Variants in CFAP47 observed in about 807,000 individuals in gnomAD.
The protein encoded by CFAP47 is cilia- and flagella-associated protein 47.
A neutral mutation model predicts 148.1 loss-of-function variants in CFAP47; 29 were observed. The observed-to-expected ratio is 0.20, with a 90% confidence interval of 0.15 to 0.27. The LOEUF is 0.27. CFAP47 is among the 10% of genes least tolerant of loss of function. CFAP47 has a pLI of 1.00. For missense variants in CFAP47, 1,872 were observed against 1,697.5 expected (o/e 1.10, Z -1.81); for synonymous variants, 664 against 577.3 (o/e 1.15, Z -2.15).
rs1478927127 is a variant in CFAP47 at position 36,100,111 on chromosome X, G to A, written c.5127+232G>A. 2.7e-5 allele frequency among the ~76,000 whole-genome samples: 3 copies of A among 111,516 alleles called. No homozygotes were observed. The East Asian group carries it at 8.5e-4, about 32-fold the overall frequency. ...CATGTATGGGTCTGATTTCTCTGAA[G>A]AAGGAAGAGCAGGTAAAGGAGTACT... On this transcript the variant is annotated intron_variant, in intron 32 of 63. Transcript: ENST00000378653.
At chrX:36,050,478 C>A (rs1388640044) in intron 26 of CFAP47, among the ~76,000 whole-genome samples, 2 of 111,187 alleles carry the variant, frequency 1.8e-5, no homozygotes, top group African/African-American at 6.5e-5. Context: ...GTCCCTCTTG[C>A]CATGCAAAGG....
intron 62 of CFAP47, among the ~76,000 whole-genome samples, chrX:36,376,198 T>G (rs782377583): frequency 8.9e-6 from 1 of 112,449 alleles, no homozygotes; most frequent in African/African-American, 3.2e-5. Flanking sequence ...GCAAACCTTT[T>G]ATGTGGATGT....
intron 60 of CFAP47, among the ~76,000 whole-genome samples, chrX:36,357,415 A>G (rs1245728696): frequency 9.0e-6 from 1 of 111,515 alleles, no homozygotes; most frequent in East Asian, 2.8e-4. Flanking sequence ...CTTCATCCTT[A>G]CTCATCACAC....
At chrX:36,298,126 A>G (rs1941261322) in intron 51 of CFAP47, among the ~76,000 whole-genome samples, 1 of 102,433 alleles carries the variant, frequency 9.8e-6, no homozygotes, top group Non-Finnish European at 2.0e-5. Context: ...TTATTGCGGC[A>G]CTATTCACAA....
At chrX:36,319,370 A>G in intron 57 of CFAP47, 63 bp downstream of exon 57, 1 of 495,834 alleles carries the variant, frequency 2.0e-6, no homozygotes, top group Non-Finnish European at 3.1e-6. Flanking sequence ...AGATAATGAA[A>G]TATATGTCTG....
chrX:36,299,230 A>G (rs1249049758), intron 52 of CFAP47, 78 bp downstream of exon 52: 12 of 590,931 alleles, frequency 2.0e-5, no homozygotes, highest in Non-Finnish European at 2.8e-5. Flanking sequence ...TTCTTATACT[A>G]TAATCATTAA....
At chrX:36,168,055 A>G (rs915733160) in intron 39 of CFAP47, among the ~76,000 whole-genome samples, 1 of 110,936 alleles carries the variant, frequency 9.0e-6, no homozygotes, top group African/African-American at 3.3e-5. Context: ...TTTTCATGGT[A>G]TTCCTTTTTA....
intron 26 of CFAP47, among the ~76,000 whole-genome samples, chrX:36,054,145 C>T (rs1289701095): frequency 8.9e-6 from 1 of 112,108 alleles, no homozygotes; most frequent in African/African-American, 3.2e-5. Flanking sequence ...GGTGGATGCC[C>T]ATGCAGTCAA....
intron 38 of CFAP47, 118 bp downstream of exon 38, chrX:36,159,694 C>T: frequency 1.1e-5 from 3 of 285,294 alleles, no homozygotes; most frequent in East Asian, 9.9e-5. Context: ...ATCCCTGTGC[C>T]ATGGATACTT....
intron 15 of CFAP47, among the ~76,000 whole-genome samples, chrX:35,986,631 A>G (rs1319835984): frequency 1.8e-5 from 2 of 110,377 alleles, no homozygotes; most frequent in East Asian, 5.8e-4. Context: ...CTCATTCTCC[A>G]TCCAGTTTTG....
intron 39 of CFAP47, among the ~76,000 whole-genome samples, chrX:36,170,924 G>A (rs57713592): frequency 9.3e-6 from 1 of 108,011 alleles, no homozygotes; most frequent in African/African-American, 3.4e-5. Context: ...CAGTGTAAAA[G>A]TGTTCCTATT....
intron 57 of CFAP47, among the ~76,000 whole-genome samples, chrX:36,330,088 C>T (rs939707045): frequency 1.8e-5 from 2 of 111,572 alleles, no homozygotes; most frequent in African/African-American, 6.5e-5. Context: ...ACTTATATCC[C>T]AAACTTCTGT....
chrX:36,192,800 T>C (rs782490600), intron 42 of CFAP47, among the ~76,000 whole-genome samples: 28 of 111,936 alleles, frequency 2.5e-4, no homozygotes, highest in Middle Eastern at 4.6e-3. Flanking sequence ...CATTGCTGAA[T>C]TGAAGAAGCC....
chrX:36,336,214 G>GTCTCTCTC (rs1157557147), intron 57 of CFAP47, among the ~76,000 whole-genome samples: 1 of 73,236 alleles, frequency 1.4e-5, no homozygotes, highest in African/African-American at 5.0e-5. Flanking sequence ...CTGTCTCTCT[G>GTCTCTCTC]TCTCTCTCTC....
chrX:36,135,004 A>G (rs12009538), intron 33 of CFAP47, among the ~76,000 whole-genome samples: 11,716 of 110,827 alleles, frequency 0.11, 1,222 homozygotes, highest in African/African-American at 0.32. Flanking sequence ...TAATCCAGAA[A>G]TCTCTTTTCC....
chrX:36,181,101 T>C (rs1194114637), intron 40 of CFAP47, among the ~76,000 whole-genome samples: 2 of 112,128 alleles, frequency 1.8e-5, no homozygotes, highest in Admixed American at 1.9e-4. Context: ...AAATTTATAG[T>C]ATATGGTAAA....
At chrX:36,082,115 T>C (rs770423328) in intron 29 of CFAP47, among the ~76,000 whole-genome samples, 31 of 112,097 alleles carry the variant, frequency 2.8e-4, no homozygotes, top group Non-Finnish European at 4.9e-4. Flanking sequence ...ACCTCCATAA[T>C]GTTTCCTACA....
chrX:35,971,603 A>T lies in CFAP47; in HGVS notation c.1988A>T (p.Tyr663Phe), dbSNP rs760309451. ...KQAERERMYS[Y>F]DDTDIGLEPG... ...TTTTATAGGGAGCGCATGTATTCAT[A>T]TGATGATACAGACATAGGCTTAGAG... The change falls in exon 12 of 64, where the codon TAT becomes TTT. Residue 663 changes from tyrosine (Y) to phenylalanine (F), a missense_variant. Transcript: ENST00000378653. The T allele has an allele frequency of 4.3e-6, 5 of 1,159,144 alleles. No homozygotes were observed. The highest frequency in any genetic ancestry group is 5.8e-6 in the Non-Finnish European group (5 of 865,020).
chrX:36,173,052 A>G (rs986528195), intron 39 of CFAP47, among the ~76,000 whole-genome samples: 5 of 111,176 alleles, frequency 4.5e-5, no homozygotes, highest in Admixed American at 3.8e-4. Flanking sequence ...CGAGGAATTT[A>G]TCCATTTCTT....
Sources: gnomAD v4.1 joint callset for allele counts (sites outside exome capture counted in the v4.1 genomes callset) on GRCh38, gnomAD v4.1.1 for gene constraint, MANE v1.5 for transcripts, NCBI Gene and HGNC (gene_info 2026-07-23, HGNC 2026-07-21) for gene names.